Variants in PCCA observed in about 807,000 individuals in gnomAD.
PCCA encodes the protein propionyl-CoA carboxylase alpha chain, mitochondrial.
In PCCA, 74 loss-of-function variants were observed where a neutral mutation model predicts 101.3. That is an observed-to-expected ratio of 0.73 (90% CI 0.61 to 0.89). The LOEUF (loss-of-function observed/expected upper bound fraction) is 0.89, where lower values mean the gene tolerates loss of function less well. Ranked by LOEUF, PCCA falls within the 40% of genes least tolerant of loss-of-function variation. The probability of loss-of-function intolerance (pLI) is 0.00; values close to 1 mark genes in which losing one functional copy is unlikely to be tolerated. For missense variants in PCCA, 891 were observed against 907.0 expected (o/e 0.98, Z 0.23); for synonymous variants, 294 against 313.6 (o/e 0.94, Z 0.66).
At chr13:100,272,236 A>G (rs2063354241) in intron 11 of PCCA, among the ~76,000 whole-genome samples, 1 of 152,180 alleles carries the variant, frequency 6.6e-6, no homozygotes, top group Non-Finnish European at 1.5e-5. Flanking sequence ...TATGTTCTCT[A>G]AAGTCACCTT....
At chr13:100,104,479 C>G (rs1183151382) in intron 2 of PCCA, 1 of 152,072 alleles carries the variant, frequency 6.6e-6, no homozygotes, top group Non-Finnish European at 1.5e-5. Context: ...TAAGATCTTA[C>G]AAGTGTTTGG....
intron 21 of PCCA, among the ~76,000 whole-genome samples, chr13:100,508,245 G>A (rs771209935): frequency 6.6e-6 from 1 of 152,092 alleles, no homozygotes; most frequent in African/African-American, 2.4e-5. Context: ...CATTTTTGCA[G>A]GATGTTTGAA....
At chr13:100,111,731 T>A (rs1320127416) in intron 2 of PCCA, 110 bp from the exon 3 acceptor site, 4 of 695,720 alleles carry the variant, frequency 5.7e-6, no homozygotes, top group Non-Finnish European at 1.0e-5. Flanking sequence ...GAAGTAATGT[T>A]TATTAGGGTT....
intron 16 of PCCA, among the ~76,000 whole-genome samples, chr13:100,328,404 A>AATGATG (rs71199597): frequency 2.8e-5 from 4 of 144,788 alleles, no homozygotes; most frequent in African/African-American, 1.0e-4. Flanking sequence ...TAATAATAAT[A>AATGATG]ATGATGATAA....
chr13:100,494,338 T>C (rs2085118662), intron 21 of PCCA, among the ~76,000 whole-genome samples: 3 of 152,204 alleles, frequency 2.0e-5, no homozygotes, highest in African/African-American at 7.2e-5. Context: ...AGCATTCACC[T>C]TCGGATGCCA....
At chr13:100,443,414 T>G (rs929444856) in intron 20 of PCCA, among the ~76,000 whole-genome samples, 2 of 150,852 alleles carry the variant, frequency 1.3e-5, no homozygotes, top group Non-Finnish European at 2.9e-5. Flanking sequence ...ACCATGCCAC[T>G]GCACTCCAGC....
intron 21 of PCCA, among the ~76,000 whole-genome samples, chr13:100,492,711 A>G (rs2084993304): frequency 1.3e-5 from 2 of 150,686 alleles, no homozygotes; most frequent in Admixed American, 6.6e-5. Flanking sequence ...CTGTATCCAT[A>G]TAAACCCCAA....
chr13:100,176,737 G>A (rs2056269444), intron 6 of PCCA, among the ~76,000 whole-genome samples: 1 of 152,182 alleles, frequency 6.6e-6, no homozygotes. Context: ...ATAAAGGCAT[G>A]TTAGTCACAG....
chr13:100,449,122 T>G (rs76115465), intron 20 of PCCA, 130 bp from the exon 21 acceptor site: 8 of 580,990 alleles, frequency 1.4e-5, no homozygotes, highest in Non-Finnish European at 2.2e-5. Context: ...AATATTCCAC[T>G]GTATGGCTAT....
At chr13:100,336,330 G>A (rs1012287182) in intron 17 of PCCA, among the ~76,000 whole-genome samples, 2 of 152,128 alleles carry the variant, frequency 1.3e-5, no homozygotes, top group Non-Finnish European at 2.9e-5. Context: ...GAACCAGCGC[G>A]TAGCTGTTAA....
In PCCA at chr13:100,385,991, A is replaced by G. The variant is rs186994738; in HGVS notation, c.1746+17417A>G. ...GATATAACAACCTCCATGGAGAGCA[A>G]TTTGACAAAATGAATTTATACTGTG... On this transcript the variant is annotated intron_variant, in intron 19 of 23. Transcript: ENST00000376285. Among the ~76,000 whole-genome samples, 454 of 152,350 alleles carry G rather than the reference A, an allele frequency of 3.0e-3. 1 individual carries two copies. Among genetic ancestry groups the G allele is most frequent in the African/African-American group, 0.01 (419 of 41,586 alleles).
At chr13:100,329,574 G>C (rs2069234408) in intron 16 of PCCA, among the ~76,000 whole-genome samples, 1 of 151,718 alleles carries the variant, frequency 6.6e-6, no homozygotes. Context: ...GGATGAAAAA[G>C]CTCCATGAGT....
rs200478285 is a variant in PCCA at position 100,163,249 on chromosome 13, T to TA, written c.468+5910dup. On this transcript the variant is annotated intron_variant, in intron 6 of 23. Coordinates refer to ENST00000376285, the MANE Select transcript of PCCA (RefSeq NM_000282.4). ...TTGAGGTTAAAACAGATTGAAGTGT[T>TA]ACGTTCTAGTTTTCCTATTACGCTC... Among the ~76,000 whole-genome samples, 63 of 152,294 alleles carry TA rather than the reference T, an allele frequency of 4.1e-4. No homozygotes were observed. The East Asian group carries it at 4.6e-3, about 11-fold the overall frequency.
chr13:100,089,266 G>C, intron 1 of PCCA, 41 bp downstream of exon 1: 1 of 1,428,524 alleles, frequency 7.0e-7, no homozygotes, highest in Non-Finnish European at 9.2e-7. Flanking sequence ...GCTTCACTGG[G>C]CTTCTAGCCG....
chr13:100,389,129 G>T lies in PCCA; in HGVS notation c.1746+20555G>T, dbSNP rs574492423. ...GTCAGTGAAGGAGGAAAATTGAGTGGTAACAGGGAGGGCAGGTGCTGTGGT... is the reference window on the plus strand; with the variant it reads ...GTCAGTGAAGGAGGAAAATTGAGTGTTAACAGGGAGGGCAGGTGCTGTGGT... On this transcript the variant is annotated intron_variant, in intron 19 of 23. Coordinates refer to ENST00000376285, the MANE Select transcript of PCCA (RefSeq NM_000282.4). 6.2e-4 allele frequency among the ~76,000 whole-genome samples: 94 copies of T among 152,270 alleles called. 1 individual carries two copies. The highest frequency in any genetic ancestry group is 2.0e-3 in the African/African-American group (85 of 41,560).
intron 6 of PCCA, among the ~76,000 whole-genome samples, chr13:100,159,188 G>A (rs373151288): frequency 4.3e-4 from 63 of 144,908 alleles, no homozygotes; most frequent in East Asian, 2.7e-3. Flanking sequence ...CTGTCTCCTG[G>A]GTTCAAGCTA....
chr13:100,398,056 A>G (rs759673104), intron 19 of PCCA, among the ~76,000 whole-genome samples: 1 of 152,248 alleles, frequency 6.6e-6, no homozygotes, highest in Non-Finnish European at 1.5e-5. Flanking sequence ...AACAAAGCTT[A>G]GAAGGATTTA....
intron 8 of PCCA, among the ~76,000 whole-genome samples, chr13:100,256,710 A>T (rs1405140400): frequency 1.3e-5 from 2 of 152,180 alleles, no homozygotes; most frequent in African/African-American, 4.8e-5. Context: ...ATTACAGGCC[A>T]GGAAGGATCC....
At chr13:100,197,965 T>C (rs932753180) in intron 6 of PCCA, among the ~76,000 whole-genome samples, 21 of 152,202 alleles carry the variant, frequency 1.4e-4, no homozygotes, top group African/African-American at 4.8e-4. Flanking sequence ...AATGGCCTTG[T>C]TGGAAACCAA....
Sources: allele counts gnomAD v4.1 joint callset (sites outside exome capture counted in the v4.1 genomes callset), GRCh38; gene constraint gnomAD v4.1.1; transcripts MANE v1.5; gene names NCBI Gene and HGNC (gene_info 2026-07-23, HGNC 2026-07-21).